Variants in YWHAQ observed in about 807,000 individuals in gnomAD.
YWHAQ encodes the protein 14-3-3 protein theta.
Under a neutral mutation model 28.3 loss-of-function variants are expected in YWHAQ, and 6 were observed. The observed-to-expected ratio is 0.21, with a 90% CI of 0.12 to 0.42. The LOEUF (loss-of-function observed/expected upper bound fraction) is 0.42, where lower values mean the gene tolerates loss of function less well. Among genes scored for constraint, YWHAQ ranks in the 10% least tolerant of loss-of-function variants. The probability of loss-of-function intolerance (pLI) is 1.00; values close to 1 mark genes in which losing one functional copy is unlikely to be tolerated. For missense variants in YWHAQ, 201 were observed against 305.6 expected, an observed-to-expected ratio of 0.66 and a Z score of 2.55; for synonymous variants, 143 against 119.1, an observed-to-expected ratio of 1.20 and a Z score of -1.31.
Position 9,605,140 on chromosome 2 carries a change from C to CTTTTTTTT in YWHAQ, c.295-13633_295-13626dup, listed in dbSNP as rs35332379. Among the ~76,000 whole-genome samples, 2 of 138,424 alleles carry CTTTTTTTT rather than the reference C, an allele frequency of 1.4e-5. 1 individual carries two copies. The highest frequency in any genetic ancestry group is 3.1e-5 in the Non-Finnish European group (2 of 65,034). 90.8% of individuals were successfully genotyped at this position (138,424 alleles called of 152,430 possible). On this transcript the variant is annotated intron_variant, in intron 2 of 5. Coordinates refer to ENST00000238081, the MANE Select transcript of YWHAQ (RefSeq NM_006826.4). ...TGATAGTTTCCCCATTCTGTTCTCT[C>CTTTTTTTT]TTTTTTTTTTTTTTTTGAGACAGGG...
At chr2:9,619,821 T>C (rs1157968652) in intron 2 of YWHAQ, among the ~76,000 whole-genome samples, 1 of 152,192 alleles carries the variant, frequency 6.6e-6, no homozygotes, top group Non-Finnish European at 1.5e-5. Context: ...CCCAAATGAC[T>C]GGAAACAGTA....
chr2:9,610,696 C>T (rs1205070112), intron 2 of YWHAQ, among the ~76,000 whole-genome samples: 6 of 152,018 alleles, frequency 3.9e-5, no homozygotes, highest in South Asian at 2.1e-4. Flanking sequence ...TTAATAGAGA[C>T]GGGGTTTCTC....
chr2:9,610,845 C>A (rs1044480972), intron 2 of YWHAQ, among the ~76,000 whole-genome samples: 1 of 152,094 alleles, frequency 6.6e-6, no homozygotes, highest in Non-Finnish European at 1.5e-5. Flanking sequence ...CTTCCTGACA[C>A]GATCTACTAT....
At chr2:9,597,464 G>A (rs951030562) in intron 2 of YWHAQ, among the ~76,000 whole-genome samples, 11 of 151,920 alleles carry the variant, frequency 7.2e-5, no homozygotes, top group African/African-American at 2.2e-4. Flanking sequence ...TGGCCAACAC[G>A]GTGAAACCCC....
At chr2:9,624,231 A>C (rs1667202051) in intron 2 of YWHAQ, among the ~76,000 whole-genome samples, 2 of 152,194 alleles carry the variant, frequency 1.3e-5, no homozygotes. Flanking sequence ...ACTCCAGCCT[A>C]GGCCACAGAG....
intron 2 of YWHAQ, among the ~76,000 whole-genome samples, chr2:9,597,647 A>G (rs1051188124): frequency 1.3e-5 from 2 of 151,432 alleles, no homozygotes; most frequent in Middle Eastern, 3.4e-3. Context: ...AAAAAAAAAA[A>G]AAAAAAGAAA....
intron 2 of YWHAQ, among the ~76,000 whole-genome samples, chr2:9,597,667 A>G (rs1666601645): frequency 1.3e-5 from 2 of 151,770 alleles, no homozygotes; most frequent in Admixed American, 6.6e-5. Context: ...AAAGAAAAAA[A>G]AATTGTTAAG....
In YWHAQ at chr2:9,630,612, C is replaced by T; in HGVS notation, c.-82-78G>A. The T allele has an allele frequency of 4.6e-6, 3 of 656,532 alleles. No individual in the cohort carries two copies. The highest frequency in any genetic ancestry group is 3.6e-5 in the Admixed American group (1 of 27,696). The allele number at this position is 656,532 out of a possible 1,614,324, so 40.7% of individuals were successfully genotyped here. A position where few individuals can be genotyped will look rare whatever the true frequency, so the allele number is the denominator to read the frequency against. ...GTCAGACAATGCGGCCCGCCGCCCG[C>T]TTTTGTCTCCCGCACACGCGGCCGC... On this transcript the variant is annotated intron_variant, in intron 1 of 5. Transcript: ENST00000238081. This position sits in a 1 kb window ranked among gnomAD's most constrained non-coding sequence, Gnocchi z 5.6.
At chr2:9,594,977 CTCT>C (rs1316159311) in intron 2 of YWHAQ, among the ~76,000 whole-genome samples, 22 of 152,154 alleles carry the variant, frequency 1.4e-4, no homozygotes, top group Non-Finnish European at 1.3e-4. Flanking sequence ...ATGAGCTAAC[CTCT>C]TCTTTCTAAA....
chr2:9,602,874 T>A (rs1489524181), intron 2 of YWHAQ, among the ~76,000 whole-genome samples: 5 of 23,046 alleles, frequency 2.2e-4, no homozygotes, highest in Non-Finnish European at 4.8e-4. Flanking sequence ...TATATATATA[T>A]ATATATATAT....
intron 2 of YWHAQ, among the ~76,000 whole-genome samples, chr2:9,616,355 A>G (rs1415580506): frequency 6.6e-6 from 1 of 152,122 alleles, no homozygotes. Flanking sequence ...CTAAAATGAT[A>G]AAACTTAGAA....
chr2:9,609,586 A>T (rs1428642598), intron 2 of YWHAQ, among the ~76,000 whole-genome samples: 7 of 104,114 alleles, frequency 6.7e-5, no homozygotes, highest in African/African-American at 9.7e-5. Context: ...CAAGCAAGAT[A>T]AAAAAAAATC....
At chr2:9,623,024 T>C (rs534792745) in intron 2 of YWHAQ, among the ~76,000 whole-genome samples, 195 of 152,352 alleles carry the variant, frequency 1.3e-3, no homozygotes, top group Non-Finnish European at 2.3e-3. Flanking sequence ...ATAGAGAACA[T>C]TACCATAGCC....
rs540092452 is a variant in YWHAQ, at chr2:9,620,184, G to A, written c.294+9975C>T. On this transcript the variant is annotated intron_variant, in intron 2 of 5. Coordinates refer to ENST00000238081, the MANE Select transcript of YWHAQ (RefSeq NM_006826.4). ...TCTTATCATCATGGTCTCACCACTT[G>A]CACCATTATTTTTCCATTTCTCTAA... Among the ~76,000 whole-genome samples, 5 of 152,254 alleles carry A rather than the reference G, an allele frequency of 3.3e-5. No homozygotes were observed. The East Asian group carries it at 9.6e-4, about 29-fold the overall frequency.
chr2:9,616,978 G>A (rs1417166211), intron 2 of YWHAQ, among the ~76,000 whole-genome samples: 3 of 152,032 alleles, frequency 2.0e-5, no homozygotes, highest in Non-Finnish European at 4.4e-5. Flanking sequence ...TTTTGTATTT[G>A]GAGACAGAGT....
intron 3 of YWHAQ, among the ~76,000 whole-genome samples, chr2:9,590,820 A>G (rs1401891709): frequency 6.6e-6 from 1 of 152,224 alleles, no homozygotes; most frequent in African/African-American, 2.4e-5. Flanking sequence ...AAACCTAACC[A>G]TGAGTCATTC....
chr2:9,601,191 G>C (rs1381044675), intron 2 of YWHAQ, among the ~76,000 whole-genome samples: 1 of 152,230 alleles, frequency 6.6e-6, no homozygotes, highest in African/African-American at 2.4e-5. Context: ...GCCGGTCATG[G>C]TGGCTCAAGC....
At chr2:9,595,104 A>C (rs2125064207) in intron 2 of YWHAQ, among the ~76,000 whole-genome samples, 1 of 152,276 alleles carries the variant, frequency 6.6e-6, no homozygotes, top group South Asian at 2.1e-4. Context: ...GCCAGGTATC[A>C]TGGTTCTTTG....
chr2:9,585,986 T>C (rs968539087), intron 5 of YWHAQ, among the ~76,000 whole-genome samples: 1 of 152,056 alleles, frequency 6.6e-6, no homozygotes, highest in Non-Finnish European at 1.5e-5. Flanking sequence ...TGATAGTCTC[T>C]ATTCCCAGCA....
Sources: gnomAD v4.1 joint callset for allele counts (sites outside exome capture counted in the v4.1 genomes callset) on GRCh38, gnomAD v4.1.1 for gene constraint, Gnocchi (gnomAD v3.1) non-coding constraint, MANE v1.5 for transcripts, NCBI Gene and HGNC (gene_info 2026-07-23, HGNC 2026-07-21) for gene names.